Variants in MAP3K13 observed in about 807,000 individuals in gnomAD.
The protein encoded by MAP3K13 is leucine zipper-bearing kinase.
MAP3K13 carries 52 observed loss-of-function variants against 104.0 expected under a neutral mutation model. The observed-to-expected ratio is 0.50, with a 90% confidence interval of 0.40 to 0.63. The LOEUF (loss-of-function observed/expected upper bound fraction) is 0.63, where lower values mean the gene tolerates loss of function less well. Ranked by LOEUF, MAP3K13 falls within the 20% of genes least tolerant of loss-of-function variation. MAP3K13 has a pLI of 0.00. For missense variants in MAP3K13, 914 were observed against 1,218.5 expected, an observed-to-expected ratio of 0.75 and a Z score of 3.72; for synonymous variants, 394 against 442.2, an observed-to-expected ratio of 0.89 and a Z score of 1.37.
chr3:185,406,906 A>C (rs556368852), intron 1 of MAP3K13, among the ~76,000 whole-genome samples: 1 of 152,326 alleles, frequency 6.6e-6, no homozygotes, highest in East Asian at 1.9e-4. Context: ...GATCTGTGGA[A>C]AAAAGCCTTG....
At chr3:185,388,704 C>T (rs1411898472) in intron 1 of MAP3K13, among the ~76,000 whole-genome samples, 1 of 151,952 alleles carries the variant, frequency 6.6e-6, no homozygotes, top group African/African-American at 2.4e-5. Context: ...CATACGGAAC[C>T]ACAAAAGACC....
chr3:185,452,834 G>A (rs561034287), intron 7 of MAP3K13, among the ~76,000 whole-genome samples: 23 of 152,284 alleles, frequency 1.5e-4, no homozygotes, highest in African/African-American at 5.3e-4. Context: ...CAAATGTAGC[G>A]AGAGAGCAAG....
At chr3:185,417,907 C>T in intron 1 of MAP3K13, 1 of 1,603,732 alleles carries the variant, frequency 6.2e-7, no homozygotes, top group Non-Finnish European at 8.5e-7. Context: ...TTTCAAGATT[C>T]TGCTAAGATC....
chr3:185,284,058 C>G (rs1282847004), intron 1 of MAP3K13, among the ~76,000 whole-genome samples: 1 of 151,910 alleles, frequency 6.6e-6, no homozygotes, highest in Non-Finnish European at 1.5e-5. Flanking sequence ...GCCACCACCC[C>G]CAGCTAATTT....
chr3:185,419,020 CTT>C (rs1209080029), intron 1 of MAP3K13, among the ~76,000 whole-genome samples: 13 of 143,374 alleles, frequency 9.1e-5, no homozygotes, highest in Non-Finnish European at 7.7e-5. Context: ...ATTTATAATT[CTT>C]TTTTTTTTTT....
intron 1 of MAP3K13, among the ~76,000 whole-genome samples, chr3:185,389,960 G>A (rs760315277): frequency 3.3e-4 from 50 of 152,038 alleles, no homozygotes; most frequent in Non-Finnish European, 4.4e-4. Flanking sequence ...TTTAATGTCC[G>A]ACTTAATAGA....
At position 185,363,159 on chromosome 3, in the gene MAP3K13, T is replaced by C. The variant is rs1414358209; in HGVS notation, c.-295T>C. ...TCATGACACACACCACAGCGAAGTC[T>C]GTGCGGAATCCTAAACCAGCCCAAT... On this transcript the variant is annotated 5_prime_UTR_variant, in exon 1 of 14. Transcript: ENST00000265026. The C allele has an allele frequency of 1.4e-5, 14 of 985,148 alleles. 1 individual carries two copies. In the South Asian group the frequency reaches 2.4e-4, roughly 17 times the overall value. 61.0% of individuals were successfully genotyped at this position (985,148 alleles called of 1,614,324 possible).
chr3:185,411,215 A>G (rs573396111), intron 1 of MAP3K13, among the ~76,000 whole-genome samples: 183 of 152,292 alleles, frequency 1.2e-3, no homozygotes, highest in Middle Eastern at 6.8e-3. Flanking sequence ...ATGCATACAC[A>G]TGAATTTGCA....
intron 2 of MAP3K13, among the ~76,000 whole-genome samples, chr3:185,294,384 T>G (rs1397848828): frequency 6.6e-6 from 1 of 152,238 alleles, no homozygotes; most frequent in Non-Finnish European, 1.5e-5. Context: ...AGTGCTTTAG[T>G]GTACTGAAAT....
chr3:185,417,672 C>T (rs1422204128), intron 1 of MAP3K13: 27 of 1,612,448 alleles, frequency 1.7e-5, no homozygotes, highest in African/African-American at 4.0e-5. Context: ...CTGCAACCGC[C>T]GCCTTTTCAT....
At chr3:185,415,652 T>C (rs1447804936) in intron 1 of MAP3K13, among the ~76,000 whole-genome samples, 2 of 149,552 alleles carry the variant, frequency 1.3e-5, no homozygotes, top group African/African-American at 2.5e-5. Context: ...GGTGCCGTCT[T>C]GTCTCACTGC....
intron 2 of MAP3K13, among the ~76,000 whole-genome samples, chr3:185,342,328 C>T (rs1675623261): frequency 6.6e-6 from 1 of 152,224 alleles, no homozygotes; most frequent in Non-Finnish European, 1.5e-5. Flanking sequence ...GTATACTCAT[C>T]TGTCCCTTCT....
Position 185,483,816 on chromosome 3 carries a change from G to A in MAP3K13, c.*1360G>A, listed in dbSNP as rs886355486. ...CAACCTCCATCTCCCAGGTTCAAGC[G>A]ATTCTCCTGCCTCAGCCTCCCGAGT... On this transcript the variant is annotated 3_prime_UTR_variant, in exon 14 of 14. Transcript: ENST00000265026. The A allele has an allele frequency of 9.8e-5, 13 of 133,214 alleles. 1 individual carries two copies. Among genetic ancestry groups the A allele is most frequent in the East Asian group, 3.9e-4 (2 of 5,132 alleles). The allele number at this position is 133,214 out of a possible 1,614,324, so 8.3% of individuals were successfully genotyped here.
chr3:185,284,747 T>C (rs1447884625), intron 1 of MAP3K13, among the ~76,000 whole-genome samples: 1 of 149,356 alleles, frequency 6.7e-6, no homozygotes, highest in Admixed American at 6.7e-5. Flanking sequence ...TATAAATAAA[T>C]AAATAAAATT....
At position 185,455,433 on chromosome 3, in the gene MAP3K13, A is replaced by T. The variant is rs868248964; in HGVS notation, c.1278+4038A>T. 2.5e-4 allele frequency among the ~76,000 whole-genome samples: 17 copies of T among 68,492 alleles called. 1 individual carries two copies. Among genetic ancestry groups the T allele is most frequent in the Non-Finnish European group, 3.3e-4 (10 of 30,110 alleles). The allele number at this position is 68,492 out of a possible 152,430, so 44.9% of individuals were successfully genotyped here. On this transcript the variant is annotated intron_variant, in intron 7 of 13. Coordinates refer to ENST00000265026, the MANE Select transcript of MAP3K13 (RefSeq NM_004721.5). Reference sequence around the variant, plus strand: ...ATATGAGATATATATGATATATATGAGATATATATATGAGATATATATCAT... The same window carrying T: ...ATATGAGATATATATGATATATATGTGATATATATATGAGATATATATCAT...
At chr3:185,368,289 T>C (rs1484946057) in intron 1 of MAP3K13, among the ~76,000 whole-genome samples, 1 of 152,244 alleles carries the variant, frequency 6.6e-6, no homozygotes, top group African/African-American at 2.4e-5. Context: ...GTATATGTTA[T>C]ATCTAATTTT....
intron 2 of MAP3K13, chr3:185,291,682 C>A (rs1335235311): frequency 2.6e-6 from 4 of 1,530,574 alleles, no homozygotes; most frequent in South Asian, 1.2e-5. Flanking sequence ...GTTTGAATAA[C>A]CTCATCAAGA....
intron 2 of MAP3K13, among the ~76,000 whole-genome samples, chr3:185,333,289 C>T (rs1158415402): frequency 6.6e-6 from 1 of 151,956 alleles, no homozygotes; most frequent in East Asian, 1.9e-4. Context: ...CCTTTCTGAG[C>T]CACATTTTCT....
At chr3:185,289,873 C>T (rs1720665416) in intron 2 of MAP3K13, among the ~76,000 whole-genome samples, 1 of 152,084 alleles carries the variant, frequency 6.6e-6, no homozygotes, top group African/African-American at 2.4e-5. Flanking sequence ...AAAAGACAGT[C>T]GGACAGATAT....
Sources: allele counts gnomAD v4.1 joint callset (sites outside exome capture counted in the v4.1 genomes callset), GRCh38; gene constraint gnomAD v4.1.1; transcripts MANE v1.5; gene names NCBI Gene and HGNC (gene_info 2026-07-23, HGNC 2026-07-21).